Variants in KRT86 observed in about 807,000 individuals in gnomAD.
The protein encoded by KRT86 is keratin, type II cuticular Hb6.
Under a neutral mutation model 41.2 loss-of-function variants are expected in KRT86, and 30 were observed. The observed-to-expected ratio is 0.73, with a 90% CI of 0.54 to 0.99. The LOEUF (loss-of-function observed/expected upper bound fraction) is 0.99, where lower values mean the gene tolerates loss of function less well. Among genes scored for constraint, KRT86 ranks in the 50% least tolerant of loss-of-function variants. The probability of loss-of-function intolerance (pLI) is 0.00; values close to 1 mark genes in which losing one functional copy is unlikely to be tolerated. For synonymous variants in KRT86, 238 were observed against 238.1 expected, an observed-to-expected ratio of 1.00 and a Z score of 0.00; for missense variants, 561 against 571.4, an observed-to-expected ratio of 0.98 and a Z score of 0.19.
rs143375568 is a variant in KRT86, at chr12:52,305,821, C to T, written c.1026+33C>T. ...GCATCTGTGCCCAAGGTCAGAGAGACCGAGGGTCTAACCATGGTCACACAG... is the reference window on the plus strand; with the variant it reads ...GCATCTGTGCCCAAGGTCAGAGAGATCGAGGGTCTAACCATGGTCACACAG... On this transcript the variant is annotated intron_variant, in intron 8 of 10. Transcript: ENST00000423955. The T allele has an allele frequency of 9.5e-3, 15,332 of 1,613,892 alleles. 83 individuals are homozygous for T. Among genetic ancestry groups the T allele is most frequent in the Non-Finnish European group, 0.012 (13,898 of 1,179,834 alleles).
intron 2 of KRT86, chr12:52,287,834 C>T: frequency 6.2e-7 from 1 of 1,604,408 alleles, no homozygotes; most frequent in East Asian, 2.2e-5. Context: ...CCACACATGG[C>T]AGTCCTGCCC....
chr12:52,292,556 G>A (rs1160650026), intron 2 of KRT86, among the ~76,000 whole-genome samples: 1 of 152,206 alleles, frequency 6.6e-6, no homozygotes, highest in Non-Finnish European at 1.5e-5. Flanking sequence ...AACTAAATAA[G>A]TTAAAAATCT....
In KRT86 at chr12:52,305,744, A is replaced by G. The variant is rs759203655; in HGVS notation, c.982A>G (p.Met328Val). 2 of 1,614,078 alleles carry G rather than the reference A, an allele frequency of 1.2e-6. No individual in the cohort carries two copies. Among genetic ancestry groups the G allele is most frequent in the South Asian group, 1.1e-5 (1 of 91,080 alleles). ...TKEEINELNR[M>V]IQRLTAEVEN... ...GGAGGAGATCAACGAGCTGAACCGC[A>G]TGATCCAGAGGCTGACGGCTGAGGT... Residue 328 changes from methionine (M) to valine (V), a missense_variant, in exon 8 of 11, where the codon ATG (methionine) becomes GTG (valine). Transcript: ENST00000423955.
chr12:52,282,387 C>T (rs910878358), intron 2 of KRT86, among the ~76,000 whole-genome samples: 1 of 152,144 alleles, frequency 6.6e-6, no homozygotes, highest in Non-Finnish European at 1.5e-5. Context: ...CGCCTGCCAC[C>T]GTGATGGGCT....
In KRT86 at chr12:52,304,929, C is replaced by G. The variant is rs1174149237; in HGVS notation, c.640-3C>G. 6.2e-7 allele frequency: 1 copy of G among 1,614,074 alleles called. No individual in the cohort carries two copies. Among genetic ancestry groups the G allele is most frequent in the East Asian group, 2.2e-5 (1 of 44,874 alleles). Reference sequence around the variant, plus strand: ...TGAGCTCCAACACTCCCCACCTTTCCAGGATGTGGACTGCGCCTACCTCCG... The same window carrying G: ...TGAGCTCCAACACTCCCCACCTTTCGAGGATGTGGACTGCGCCTACCTCCG... On this transcript the variant is annotated splice_region_variant and splice_polypyrimidine_tract_variant and intron_variant, in intron 5 of 10. Transcript: ENST00000423955.
rs1938394461 is a variant in KRT86, at chr12:52,302,021, CT to C, written c.106del (p.Ser36ProfsTer67). ...CITAAPYRGI[S>X]CYRGLTGGFG... ...TCACCGCCGCCCCCTACCGTGGCAT[CT>C]CCTGCTACCGCGGCCTCACCGGGGG... On this transcript the variant is annotated frameshift_variant, in exon 3 of 11. Coordinates refer to ENST00000423955, the MANE Select transcript of KRT86 (RefSeq NM_001320198.2). LOFTEE classifies it high-confidence loss of function. The C allele has an allele frequency of 6.2e-7, 1 of 1,611,414 alleles. No homozygotes were observed. The highest frequency in any genetic ancestry group is 8.5e-7 in the Non-Finnish European group (1 of 1,178,874).
intron 2 of KRT86, among the ~76,000 whole-genome samples, chr12:52,281,052 T>C (rs529548224): frequency 7.9e-5 from 12 of 152,308 alleles, no homozygotes; most frequent in African/African-American, 2.6e-4. Context: ...CAGGGCCCTG[T>C]GGATCACAAG....
chr12:52,298,204 G>T (rs956107144), intron 2 of KRT86, among the ~76,000 whole-genome samples: 20 of 152,188 alleles, frequency 1.3e-4, no homozygotes, highest in Non-Finnish European at 5.9e-5. Flanking sequence ...CAATCAGGCT[G>T]GAGCAGAGAT....
rs202063489 is a variant in KRT86, at chr12:52,302,845, G to GA, written c.370-255_370-254insA. On this transcript the variant is annotated intron_variant, in intron 3 of 10. Coordinates refer to ENST00000423955, the MANE Select transcript of KRT86 (RefSeq NM_001320198.2). ...TTCATCTGCTTGGGTGGGGGGTGGG[G>GA]GGGGGGTCACTCAACTCCCCAGGGA... 0.071 allele frequency among the ~76,000 whole-genome samples: 9,716 copies of GA among 137,168 alleles called. 6 individuals carry two copies. Among genetic ancestry groups the GA allele is most frequent in the Non-Finnish European group, 0.096 (6,094 of 63,658 alleles). The allele number at this position is 137,168 out of a possible 152,430, so 90.0% of individuals were successfully genotyped here.
intron 2 of KRT86, among the ~76,000 whole-genome samples, chr12:52,276,661 T>C (rs1490713040): frequency 1.3e-5 from 2 of 152,174 alleles, no homozygotes; most frequent in East Asian, 3.8e-4. Flanking sequence ...GTACTCCTGA[T>C]GTATATTTAG....
At position 52,304,952 on chromosome 12, in the gene KRT86, C is replaced by T. The variant is rs1220615641; in HGVS notation, c.660C>T (p.Leu220=). The T allele has an allele frequency of 7.4e-6, 12 of 1,614,172 alleles. No individual in the cohort carries two copies. The highest frequency in any genetic ancestry group is 8.5e-6 in the Non-Finnish European group (10 of 1,180,028). The change falls in exon 6 of 11, where the codon CTC becomes CTT. Residue 220 remains leucine (L), a synonymous_variant. Transcript: ENST00000423955. ...ALKKDVDCAY[L]RKSDLEANVE... The stretch of plus-strand genomic sequence containing the variant: ...TCCAGGATGTGGACTGCGCCTACCT[C>T]CGCAAATCAGACCTGGAGGCCAATG...
chr12:52,287,150 T>C (rs1397678060), intron 2 of KRT86: 1 of 1,613,378 alleles, frequency 6.2e-7, no homozygotes, highest in Non-Finnish European at 8.5e-7. Context: ...GATCTCGATG[T>C]CCAGGCCCAG....
Position 52,308,465 on chromosome 12 carries a change from T to C in KRT86, c.1341T>C (p.Pro447=), listed in dbSNP as rs754896113. Residue 447 remains proline (P), a synonymous_variant, in exon 11 of 11, where the codon CCT becomes CCC. Transcript: ENST00000423955. The part of the protein sequence containing the change: ...CGDLCASTTA[P]VVSTRVSSVP... Reference sequence around the variant, plus strand: ...ATCTCTGCGCCTCCACTACTGCCCCTGTTGTCTCCACCAGAGTCAGTAGCG... The same window carrying C: ...ATCTCTGCGCCTCCACTACTGCCCCCGTTGTCTCCACCAGAGTCAGTAGCG... 5 of 1,611,392 alleles carry C rather than the reference T, an allele frequency of 3.1e-6. No homozygotes were observed. The East Asian group carries it at 1.1e-4, about 36-fold the overall frequency.
At chr12:52,288,140 G>C (rs1333630993) in intron 2 of KRT86, 3 of 1,613,978 alleles carry the variant, frequency 1.9e-6, no homozygotes, top group Non-Finnish European at 2.5e-6. Context: ...ACTGGAGAAT[G>C]AGGATCTCCT....
At chr12:52,287,911 G>A in intron 2 of KRT86, 1 of 1,612,896 alleles carries the variant, frequency 6.2e-7, no homozygotes, top group Non-Finnish European at 8.5e-7. Flanking sequence ...CCCAGAAAAG[G>A]AAGCCTATTT....
At chr12:52,294,974 T>C (rs1216082264) in intron 2 of KRT86, among the ~76,000 whole-genome samples, 1 of 152,210 alleles carries the variant, frequency 6.6e-6, no homozygotes, top group Non-Finnish European at 1.5e-5. Context: ...ATTGCACTCA[T>C]TGCATGGCTA....
intron 2 of KRT86, among the ~76,000 whole-genome samples, chr12:52,280,441 G>T (rs1565735963): frequency 6.6e-6 from 1 of 152,200 alleles, no homozygotes; most frequent in Non-Finnish European, 1.5e-5. Flanking sequence ...AATAGTTTCT[G>T]CTTTCTATGT....
At chr12:52,283,597 G>C (rs566634842) in intron 2 of KRT86, among the ~76,000 whole-genome samples, 1 of 147,114 alleles carries the variant, frequency 6.8e-6, no homozygotes, top group African/African-American at 2.5e-5. Context: ...TCCTGTCTCA[G>C]CCTCCCAAGT....
chr12:52,305,821 C>A, intron 8 of KRT86, 33 bp downstream of exon 8: 1 of 1,613,906 alleles, frequency 6.2e-7, no homozygotes, highest in Non-Finnish European at 8.5e-7. Context: ...GTCAGAGAGA[C>A]CGAGGGTCTA....
Sources: gnomAD v4.1 joint callset for allele counts (sites outside exome capture counted in the v4.1 genomes callset) on GRCh38, gnomAD v4.1.1 for gene constraint, MANE v1.5 for transcripts, NCBI Gene and HGNC (gene_info 2026-07-23, HGNC 2026-07-21) for gene names.